The following PTPRD variants were observed in gnomAD, a reference collection of about 807,000 sequenced individuals.
The protein encoded by PTPRD is receptor-type tyrosine-protein phosphatase delta.
Under a neutral mutation model 214.5 loss-of-function variants are expected in PTPRD, and 34 were observed. The observed-to-expected ratio is 0.16, with a 90% CI of 0.12 to 0.21. The LOEUF is 0.21. Among genes scored for constraint, PTPRD ranks in the 10% least tolerant of loss-of-function variants. PTPRD has a pLI of 1.00. For synonymous variants in PTPRD, 1,128 were observed against 845.7 expected (o/e 1.33, Z -5.79); for missense variants, 2,545 against 2,398.7 (o/e 1.06, Z -1.27).
At chr9:10,405,646 T>C (rs924402651) in intron 2 of PTPRD, among the ~76,000 whole-genome samples, 3 of 151,596 alleles carry the variant, frequency 2.0e-5, no homozygotes, top group Admixed American at 6.6e-5. Flanking sequence ...GAAGTGTATG[T>C]ACAGAAATTT....
At position 9,361,786 on chromosome 9, in the gene PTPRD, T is replaced by G. The variant is rs192771690; in HGVS notation, c.-203+35663A>C. Among the ~76,000 whole-genome samples the G allele has an allele frequency of 5.3e-5, 8 of 151,230 alleles. No homozygotes were observed. The East Asian group carries it at 1.6e-3, about 29-fold the overall frequency. On this transcript the variant is annotated intron_variant, in intron 9 of 45. Coordinates refer to ENST00000381196, the MANE Select transcript of PTPRD (RefSeq NM_002839.4). Reference sequence around the variant, plus strand: ...CTCATGTCCACATGGAAGATTAGATTTCTCCCTTGGTAGCTTTTTGATAGT... The same window carrying G: ...CTCATGTCCACATGGAAGATTAGATGTCTCCCTTGGTAGCTTTTTGATAGT...
intron 3 of PTPRD, among the ~76,000 whole-genome samples, chr9:10,143,460 G>C (rs1210503901): frequency 3.3e-5 from 5 of 151,990 alleles, no homozygotes; most frequent in Admixed American, 6.6e-5. Flanking sequence ...CACTGTTGGT[G>C]GGGATCTAAC....
chr9:8,507,633 A>C (rs2097568720), intron 21 of PTPRD, among the ~76,000 whole-genome samples, 199 bp from the exon 22 acceptor site: 1 of 152,046 alleles, frequency 6.6e-6, no homozygotes, highest in Non-Finnish European at 1.5e-5. Flanking sequence ...GCTCTGGAGT[A>C]GTAGAACATC....
intron 2 of PTPRD, among the ~76,000 whole-genome samples, chr9:10,596,765 T>C (rs1306959447): frequency 1.3e-5 from 2 of 151,554 alleles, no homozygotes; most frequent in Non-Finnish European, 3.0e-5. Flanking sequence ...GATTTATATA[T>C]GTGAGAACTG....
intron 5 of PTPRD, among the ~76,000 whole-genome samples, chr9:9,924,191 T>C (rs73402649): frequency 0.087 from 13,289 of 152,028 alleles, 1,938 homozygotes; most frequent in African/African-American, 0.3. Context: ...TTGGTGCACC[T>C]GTCCTAATTC....
intron 9 of PTPRD, among the ~76,000 whole-genome samples, chr9:9,225,863 A>G (rs2099959128): frequency 6.6e-6 from 1 of 152,002 alleles, no homozygotes; most frequent in African/African-American, 2.4e-5. Flanking sequence ...ATAATATAGT[A>G]TCATATTGAT....
At chr9:8,636,653 G>A (rs2154327679) in intron 13 of PTPRD, 46 bp downstream of exon 13, 1 of 1,603,514 alleles carries the variant, frequency 6.2e-7, no homozygotes. Context: ...CAAAGACAGA[G>A]CAGATACATT....
At chr9:9,329,527 T>A (rs752443571) in intron 9 of PTPRD, among the ~76,000 whole-genome samples, 1 of 152,194 alleles carries the variant, frequency 6.6e-6, no homozygotes, top group Non-Finnish European at 1.5e-5. Context: ...ATTGCTATTC[T>A]CTGTCTGGAT....
At chr9:10,549,627 C>T (rs935358002) in intron 2 of PTPRD, among the ~76,000 whole-genome samples, 4 of 152,150 alleles carry the variant, frequency 2.6e-5, no homozygotes, top group South Asian at 2.1e-4. Context: ...TGTCCCTATC[C>T]GTCAGTGTAT....
rs74357840 is a variant in PTPRD at position 10,367,370 on chromosome 9, A to G, written c.-599-26353T>C. Among the ~76,000 whole-genome samples, 31 of 152,250 alleles carry G rather than the reference A, an allele frequency of 2.0e-4. No homozygotes were observed. The East Asian group carries it at 5.2e-3, about 26-fold the overall frequency. Reference sequence around the variant, plus strand: ...CCTTTCTTTAAATGGAAGATATAATAATCATAAAAGGAAGAGTTCTGCCCA... The same window carrying G: ...CCTTTCTTTAAATGGAAGATATAATGATCATAAAAGGAAGAGTTCTGCCCA... On this transcript the variant is annotated intron_variant, in intron 2 of 45. Transcript: ENST00000381196.
chr9:9,757,262 G>A (rs1356124194), intron 6 of PTPRD, among the ~76,000 whole-genome samples: 1 of 152,106 alleles, frequency 6.6e-6, no homozygotes, highest in Non-Finnish European at 1.5e-5. Context: ...CTTCGGTTAA[G>A]TTTCATGCAA....
intron 3 of PTPRD, among the ~76,000 whole-genome samples, chr9:10,271,261 T>C (rs1019068196): frequency 5.9e-5 from 9 of 152,176 alleles, no homozygotes; most frequent in Admixed American, 5.9e-4. Context: ...AATTGATATG[T>C]TTTTGGAACA....
intron 11 of PTPRD, among the ~76,000 whole-genome samples, chr9:8,734,176 A>T (rs997219272): frequency 6.6e-6 from 1 of 152,190 alleles, no homozygotes; most frequent in African/African-American, 2.4e-5. Context: ...GAGCTCTCGC[A>T]TTCCCAATTT....
At chr9:9,715,245 A>T (rs909018412) in intron 7 of PTPRD, among the ~76,000 whole-genome samples, 3 of 152,172 alleles carry the variant, frequency 2.0e-5, no homozygotes, top group Non-Finnish European at 4.4e-5. Context: ...TTCCTACTAT[A>T]TTGCGGGCAA....
chr9:9,625,801 T>G (rs965354594), intron 7 of PTPRD, among the ~76,000 whole-genome samples: 24 of 152,134 alleles, frequency 1.6e-4, no homozygotes, highest in African/African-American at 5.6e-4. Flanking sequence ...GAACAGTTAA[T>G]TGTAGAAAGA....
rs1449280343 is a variant in PTPRD, at chr9:9,696,544, C to T, written c.-287+37989G>A. ...CCTTTCATGGGACTCATCCTTTTATCATTATGTAGTGTCCTCCTTTGCCTA... is the reference window on the plus strand; with the variant it reads ...CCTTTCATGGGACTCATCCTTTTATTATTATGTAGTGTCCTCCTTTGCCTA... On this transcript the variant is annotated intron_variant, in intron 7 of 45. Transcript: ENST00000381196. Among the ~76,000 whole-genome samples the T allele has an allele frequency of 2.6e-5, 4 of 152,080 alleles. No homozygotes were observed. The South Asian group carries it at 8.3e-4, about 31-fold the overall frequency.
chr9:9,033,084 A>C (rs1157955385), intron 10 of PTPRD, among the ~76,000 whole-genome samples: 3 of 152,132 alleles, frequency 2.0e-5, no homozygotes, highest in African/African-American at 7.2e-5. Flanking sequence ...ATGCGTTTGT[A>C]TGCTGGGATG....
intron 10 of PTPRD, among the ~76,000 whole-genome samples, chr9:9,026,087 A>AT: frequency 6.6e-6 from 1 of 151,918 alleles, no homozygotes; most frequent in East Asian, 1.9e-4. Context: ...GTGGTAGTGA[A>AT]TGGGCAGCAC....
At chr9:8,686,512 T>C (rs937216297) in intron 12 of PTPRD, among the ~76,000 whole-genome samples, 2 of 152,166 alleles carry the variant, frequency 1.3e-5, no homozygotes, top group African/African-American at 2.4e-5. Context: ...ACATTTCAGA[T>C]ATAATAATAT....
Sources: gnomAD v4.1 joint callset for allele counts (sites outside exome capture counted in the v4.1 genomes callset) on GRCh38, gnomAD v4.1.1 for gene constraint, MANE v1.5 for transcripts, NCBI Gene and HGNC (gene_info 2026-07-23, HGNC 2026-07-21) for gene names.